TTBK2: variants seen among roughly 807,000 people sequenced by gnomAD.
TTBK2 encodes tau tubulin kinase 2, also known as tau-tubulin kinase 2.
A neutral mutation model predicts 110.8 loss-of-function variants in TTBK2; 28 were observed. The observed-to-expected ratio is 0.25, with a 90% CI of 0.19 to 0.35. TTBK2 has a LOEUF of 0.35. TTBK2 is among the 10% of genes least tolerant of loss of function. TTBK2 has a pLI of 1.00. For synonymous variants in TTBK2, 532 were observed against 527.3 expected, an observed-to-expected ratio of 1.01 and a Z score of -0.12; for missense variants, 1,369 against 1,500.3, an observed-to-expected ratio of 0.91 and a Z score of 1.45.
chr15:42,752,220 G>A lies in TTBK2; in HGVS notation c.3026C>T (p.Thr1009Ile), dbSNP rs1215434998. ...SDKLLEEKLA[T>I]VPAPFCEEEV... Reference sequence around the variant, plus strand: ...CTCCTCACAAAAGGGAGCAGGAACAGTAGCTAGTTTCTCCTCTAGCAATTT... The same window carrying A: ...CTCCTCACAAAAGGGAGCAGGAACAATAGCTAGTTTCTCCTCTAGCAATTT... Residue 1009 changes from threonine to isoleucine, a missense_variant, in exon 14 of 15, where the codon ACT becomes ATT. This residue lies in a region of TTBK2 where 1,097 missense variants were observed against 1,114.7 expected (regional missense o/e 0.98). Transcript: ENST00000267890. 3.7e-6 allele frequency: 6 copies of A among 1,614,098 alleles called. No homozygotes were observed. The African/African-American group carries it at 4.0e-5, about 11-fold the overall frequency.
chr15:42,862,384 A>G (rs1320009714), intron 3 of TTBK2, among the ~76,000 whole-genome samples: 1 of 152,200 alleles, frequency 6.6e-6, no homozygotes, highest in Non-Finnish European at 1.5e-5. Flanking sequence ...AAGTTAATTC[A>G]CCATGATCAA....
rs747789846 is a variant in TTBK2, at chr15:42,775,395, CAGA to C, written c.1735_1737del (p.Ser579del). On this transcript the variant is annotated inframe_deletion, in exon 13 of 15. Coordinates refer to ENST00000267890, the MANE Select transcript of TTBK2 (RefSeq NM_173500.4). Reference sequence around the variant, plus strand: ...ACTTGAAGTACTTCAGGCTCCTCATCAGAAGGACTTCCAGTTGTTTTATGTCCT... The same window carrying C: ...ACTTGAAGTACTTCAGGCTCCTCATCAGGACTTCCAGTTGTTTTATGTCCT... The C allele has an allele frequency of 1.2e-6, 2 of 1,614,230 alleles. No homozygotes were observed. The highest frequency in any genetic ancestry group is 2.2e-5 in the East Asian group (1 of 44,892).
intron 1 of TTBK2, among the ~76,000 whole-genome samples, chr15:42,910,453 T>C (rs1173994084): frequency 1.3e-5 from 2 of 152,202 alleles, no homozygotes; most frequent in Non-Finnish European, 2.9e-5. Context: ...ATACCTACCA[T>C]TGAACCTTTC....
chr15:42,796,204 G>A (rs1329204023), intron 9 of TTBK2, among the ~76,000 whole-genome samples: 1 of 151,984 alleles, frequency 6.6e-6, no homozygotes, highest in African/African-American at 2.4e-5. Context: ...AGGGGTTCAA[G>A]ACCAGCCTGG....
intron 10 of TTBK2, among the ~76,000 whole-genome samples, chr15:42,791,670 CA>C (rs1433193390): frequency 1.3e-5 from 2 of 152,218 alleles, no homozygotes; most frequent in African/African-American, 4.8e-5. Flanking sequence ...GTCTGAACCT[CA>C]GCCCTTGGGC....
At chr15:42,776,974 A>G in intron 12 of TTBK2, 57 bp downstream of exon 12, 1 of 1,528,950 alleles carries the variant, frequency 6.5e-7, no homozygotes, top group Non-Finnish European at 9.1e-7. Context: ...AACAACAATG[A>G]CAACAATAAT....
At position 42,776,416 on chromosome 15, in the gene TTBK2, G is replaced by T. The variant is rs540132168; in HGVS notation, c.1409+615C>A. 1.7e-4 allele frequency among the ~76,000 whole-genome samples: 26 copies of T among 152,302 alleles called. No homozygotes were observed. In the East Asian group the frequency reaches 5.0e-3, roughly 29 times the overall value. ...CTGTCTTCTGTTATCAAAATTTGTTGTAGGGATAATGTGCCTCAAAACCAT... is the reference window on the plus strand; with the variant it reads ...CTGTCTTCTGTTATCAAAATTTGTTTTAGGGATAATGTGCCTCAAAACCAT... On this transcript the variant is annotated intron_variant, in intron 12 of 14. Coordinates refer to ENST00000267890, the MANE Select transcript of TTBK2 (RefSeq NM_173500.4).
At chr15:42,905,493 G>C (rs78365925) in intron 1 of TTBK2, among the ~76,000 whole-genome samples, 2,470 of 152,176 alleles carry the variant, frequency 0.016, 60 homozygotes, top group African/African-American at 0.055. Context: ...CTGAATTCAA[G>C]AGATCTTCCC....
In TTBK2 at chr15:42,745,728, C is replaced by T; in HGVS notation, c.*67G>A. On this transcript the variant is annotated 3_prime_UTR_variant, in exon 15 of 15. Transcript: ENST00000267890. ...CACTGATTTTTTTACATAGAAAGTA[C>T]AGGGACACACATGCATCAGGTTTAG... is the stretch of plus-strand genomic sequence containing the variant. 1 of 1,565,154 alleles carries T rather than the reference C, an allele frequency of 6.4e-7. No homozygotes were observed. The highest frequency in any genetic ancestry group is 8.8e-7 in the Non-Finnish European group (1 of 1,136,972).
intron 5 of TTBK2, among the ~76,000 whole-genome samples, chr15:42,828,748 A>G (rs1467216061): frequency 6.6e-6 from 1 of 151,692 alleles, no homozygotes; most frequent in Non-Finnish European, 1.5e-5. Context: ...AGATTTTCCT[A>G]TAAGCATCAT....
At chr15:42,841,223 T>C (rs1893205944) in intron 3 of TTBK2, among the ~76,000 whole-genome samples, 1 of 152,184 alleles carries the variant, frequency 6.6e-6, no homozygotes, top group African/African-American at 2.4e-5. Flanking sequence ...TTTTATTTTT[T>C]TGAGACAGGG....
intron 1 of TTBK2, among the ~76,000 whole-genome samples, chr15:42,907,907 CAAA>C (rs1283939502): frequency 4.9e-5 from 6 of 121,466 alleles, no homozygotes; most frequent in African/African-American, 9.0e-5. Flanking sequence ...CCCATCTCTA[CAAA>C]AAAAAAAAAA....
At chr15:42,824,921 A>C (rs1266546778) in intron 6 of TTBK2, among the ~76,000 whole-genome samples, 1 of 152,052 alleles carries the variant, frequency 6.6e-6, no homozygotes. Context: ...AATCAGGGGA[A>C]AAAGCAAATA....
intron 13 of TTBK2, among the ~76,000 whole-genome samples, chr15:42,763,184 ATATATATATTTTTTTTTTTTTT>A (rs1889169102): frequency 4.3e-5 from 1 of 23,272 alleles, no homozygotes. Context: ...ATATATATAT[ATATATATATTTTTTTTTTTTTT>A]TTTTTTTTTT....
chr15:42,752,203 A>C lies in TTBK2; in HGVS notation c.3043T>G (p.Cys1015Gly), dbSNP rs767231995. 3 of 1,614,168 alleles carry C rather than the reference A, an allele frequency of 1.9e-6. No individual in the cohort carries two copies. The highest frequency in any genetic ancestry group is 2.5e-6 in the Non-Finnish European group (3 of 1,180,006). Residue 1015 changes from cysteine to glycine, a missense_variant, in exon 14 of 15, where the codon TGT (cysteine) becomes GGT (glycine). Cys to Gly is a radical substitution (Grantham distance 159). Coordinates refer to ENST00000267890, the MANE Select transcript of TTBK2 (RefSeq NM_173500.4). ...AAGGGAGTGAGCACTTCCTCCTCAC[A>C]AAAGGGAGCAGGAACAGTAGCTAGT... ...EKLATVPAPFCEEEVLTPFSR... is the reference protein window; with the variant it reads ...EKLATVPAPFGEEEVLTPFSR...
Position 42,847,968 on chromosome 15 carries a change from C to A in TTBK2, c.218-7535G>T, listed in dbSNP as rs185410393. ...TCTGGCAATCCTCCCATTTCAGCCTCCCGAGCAGCGGGGGACTACAGACAT... is the reference window on the plus strand; with the variant it reads ...TCTGGCAATCCTCCCATTTCAGCCTACCGAGCAGCGGGGGACTACAGACAT... On this transcript the variant is annotated intron_variant, in intron 3 of 14. Coordinates refer to ENST00000267890, the MANE Select transcript of TTBK2 (RefSeq NM_173500.4). Among the ~76,000 whole-genome samples the A allele has an allele frequency of 2.0e-3, 297 of 152,296 alleles. 4 individuals are homozygous for A. The highest frequency in any genetic ancestry group is 0.018 in the Admixed American group (268 of 15,300).
In TTBK2 at chr15:42,751,878, G is replaced by C. The variant is rs537121876; in HGVS notation, c.3272+96C>G. ...AGGCAGGAAAGAAAGATACTGAGAA[G>C]GGGGCAACACAGAAATGTTGCCATT... On this transcript the variant is annotated intron_variant, in intron 14 of 14. Transcript: ENST00000267890. The C allele has an allele frequency of 3.5e-6, 5 of 1,421,242 alleles. No individual in the cohort carries two copies. In the East Asian group the frequency reaches 9.1e-5, roughly 26 times the overall value. The allele number at this position is 1,421,242 out of a possible 1,614,324, so 88.0% of individuals were successfully genotyped here.
chr15:42,892,137 T>C (rs1263111565), intron 1 of TTBK2, among the ~76,000 whole-genome samples: 1 of 152,188 alleles, frequency 6.6e-6, no homozygotes, highest in Non-Finnish European at 1.5e-5. Flanking sequence ...ATACATACTA[T>C]GCTCTCTGAT....
chr15:42,827,250 G>T (rs1251829395), intron 6 of TTBK2, among the ~76,000 whole-genome samples: 1 of 152,114 alleles, frequency 6.6e-6, no homozygotes, highest in Non-Finnish European at 1.5e-5. Context: ...GAACGGAATA[G>T]ATTTCACTAA....
Sources: gnomAD v4.1 joint callset for allele counts (sites outside exome capture counted in the v4.1 genomes callset) on GRCh38, gnomAD v4.1.1 for gene constraint, gnomAD v4.1.1 regional missense constraint, MANE v1.5 for transcripts, NCBI Gene and HGNC (gene_info 2026-07-23, HGNC 2026-07-21) for gene names.